KIF13A: variants seen among roughly 807,000 people sequenced by gnomAD.
KIF13A encodes the protein kinesin-like protein KIF13A.
Under a neutral mutation model 212.2 loss-of-function variants are expected in KIF13A, and 79 were observed. The observed-to-expected ratio is 0.37, with a 90% confidence interval of 0.31 to 0.45. KIF13A has a LOEUF of 0.45. KIF13A is among the 20% of genes least tolerant of loss of function. KIF13A has a pLI of 1.00. For synonymous variants in KIF13A, 789 were observed against 808.6 expected (o/e 0.98, Z 0.41); for missense variants, 1,901 against 2,209.0 (o/e 0.86, Z 2.79).
In KIF13A at chr6:17,826,439, T is replaced by G. The variant is rs10456812; in HGVS notation, c.1533-315A>C. Among the ~76,000 whole-genome samples the G allele has an allele frequency of 0.46, 69,657 of 151,956 alleles. 16,338 individuals are homozygous for G. The highest frequency in any genetic ancestry group is 0.53 in the South Asian group (2,571 of 4,822). On this transcript the variant is annotated intron_variant, in intron 14 of 38. Transcript: ENST00000259711. The surrounding 1 kb of genome is among the most constrained non-coding windows in gnomAD (Gnocchi z 4.7). ...CAAGCTTCCACATTTAAATGCCAAT[T>G]TAGGAAATACAGAGAACAATGGAGG...
chr6:17,819,629 A>G (rs1435217020), intron 16 of KIF13A, among the ~76,000 whole-genome samples: 1 of 152,160 alleles, frequency 6.6e-6, no homozygotes, highest in Non-Finnish European at 1.5e-5. Flanking sequence ...AAAAAATCTT[A>G]TGCAAACATA....
chr6:17,900,529 CGAA>C lies in KIF13A; in HGVS notation c.147-2352_147-2350del, dbSNP rs1327954277. Among the ~76,000 whole-genome samples, 7 of 151,944 alleles carry C rather than the reference CGAA, an allele frequency of 4.6e-5. No individual in the cohort carries two copies. The highest frequency in any genetic ancestry group is 1.0e-4 in the Non-Finnish European group (7 of 67,988). Reference sequence around the variant, plus strand: ...GCTTGTTAAGAACAAATTGAGACTGCGAAGAAAAGAAAAAAGGGAAGCCACAAA... The same window carrying C: ...GCTTGTTAAGAACAAATTGAGACTGCGAAAAGAAAAAAGGGAAGCCACAAA... On this transcript the variant is annotated intron_variant, in intron 2 of 38. Coordinates refer to ENST00000259711, the MANE Select transcript of KIF13A (RefSeq NM_022113.6). The surrounding 1 kb of genome is among the most constrained non-coding windows in gnomAD (Gnocchi z 4.6).
rs567162242 is a variant in KIF13A, at chr6:17,946,843, G to A, written c.146+40211C>T. Among the ~76,000 whole-genome samples, 15 of 152,280 alleles carry A rather than the reference G, an allele frequency of 9.9e-5. 1 individual carries two copies. The South Asian group carries it at 3.1e-3, about 32-fold the overall frequency. ...ATGAACTGTAGTATATTCATACAAT[G>A]GAATACCATGCAACAGCAAAAGTGA... On this transcript the variant is annotated intron_variant, in intron 2 of 38. Coordinates refer to ENST00000259711, the MANE Select transcript of KIF13A (RefSeq NM_022113.6).
At chr6:17,948,557 C>CTTTTTTTTTTTT (rs71002289) in intron 2 of KIF13A, among the ~76,000 whole-genome samples, 3 of 84,148 alleles carry the variant, frequency 3.6e-5, no homozygotes, top group Admixed American at 3.6e-4. Flanking sequence ...CATCCATTTA[C>CTTTTTTTTTTTT]TTTTTTTTTT....
At chr6:17,936,665 C>G (rs1424173242) in intron 2 of KIF13A, among the ~76,000 whole-genome samples, 3 of 152,046 alleles carry the variant, frequency 2.0e-5, no homozygotes, top group Non-Finnish European at 2.9e-5. Context: ...TATTATTGCC[C>G]TAGGTCATAG....
chr6:17,813,581 A>G (rs1164601692), intron 17 of KIF13A, among the ~76,000 whole-genome samples: 1 of 151,890 alleles, frequency 6.6e-6, no homozygotes. Flanking sequence ...AATATAATTG[A>G]CTCTCTTCTC....
At chr6:17,952,846 C>T (rs1032559264) in intron 2 of KIF13A, among the ~76,000 whole-genome samples, 9 of 151,498 alleles carry the variant, frequency 5.9e-5, no homozygotes, top group African/African-American at 1.9e-4. Context: ...AGGAGAGTGG[C>T]GCGAACCCGG....
At chr6:17,779,247 ATATATATATATTTTTTTTTTTTTTTTT>A (rs1329689893) in intron 32 of KIF13A, 148 bp from the exon 33 acceptor site, 75 of 40,992 alleles carry the variant, frequency 1.8e-3, no homozygotes, top group Middle Eastern at 9.8e-3. Context: ...ATATATATAT[ATATATATATATTTTTTTTTTTTTTTTT>A]TTTTTTTTTT....
chr6:17,821,682 C>A (rs1184833798), intron 16 of KIF13A: 2 of 1,278,984 alleles, frequency 1.6e-6, no homozygotes, highest in Admixed American at 5.1e-5. Context: ...TCTTCCCAAT[C>A]ATGTTAGTTA....
chr6:17,868,465 CT>C (rs1323387478), intron 4 of KIF13A, among the ~76,000 whole-genome samples: 1 of 151,910 alleles, frequency 6.6e-6, no homozygotes, highest in Non-Finnish European at 1.5e-5. Context: ...CTGTGTACAT[CT>C]GCATGTATAT....
Position 17,809,977 on chromosome 6 carries a change from A to C in KIF13A, c.2001-1047T>G, listed in dbSNP as rs979205261. On this transcript the variant is annotated intron_variant, in intron 17 of 38. Transcript: ENST00000259711. This position sits in a 1 kb window ranked among gnomAD's most constrained non-coding sequence, Gnocchi z 4.7. ...GGCAGTGGCTCATGGCTATAATCCC[A>C]ACACTTTGGGAAGCCGAGGTGGGAG... is the stretch of plus-strand genomic sequence containing the variant. 6.6e-6 allele frequency among the ~76,000 whole-genome samples: 1 copy of C among 152,206 alleles called. No homozygotes were observed. The highest frequency in any genetic ancestry group is 2.4e-5 in the African/African-American group (1 of 41,538).
intron 2 of KIF13A, among the ~76,000 whole-genome samples, chr6:17,975,882 TAC>T (rs1429163856): frequency 6.6e-6 from 1 of 151,786 alleles, no homozygotes; most frequent in African/African-American, 2.4e-5. Context: ...TTGGGCTAGA[TAC>T]AGAGTGCCGA....
intron 20 of KIF13A, among the ~76,000 whole-genome samples, chr6:17,803,601 GT>G (rs1762662004): frequency 1.3e-5 from 2 of 152,214 alleles, no homozygotes; most frequent in South Asian, 4.1e-4. Context: ...TAAAAGGAGG[GT>G]AACAATGAGT....
At position 17,834,158 on chromosome 6, in the gene KIF13A, T is replaced by C; in HGVS notation, c.1156-87A>G. 2.6e-6 allele frequency: 2 copies of C among 772,566 alleles called. No individual in the cohort carries two copies. Among genetic ancestry groups the C allele is most frequent in the Non-Finnish European group, 4.0e-6 (2 of 494,428 alleles). The allele number at this position is 772,566 out of a possible 1,614,324, so 47.9% of individuals were successfully genotyped here. On this transcript the variant is annotated intron_variant, in intron 11 of 38. Coordinates refer to ENST00000259711, the MANE Select transcript of KIF13A (RefSeq NM_022113.6). The surrounding 1 kb of genome is among the most constrained non-coding windows in gnomAD (Gnocchi z 4.0). ...ATCAGTTACTGTCCCTCTTAAGCAGTTATCAATAGTCTGTTGGAAAAAATT... is the reference window on the plus strand; with the variant it reads ...ATCAGTTACTGTCCCTCTTAAGCAGCTATCAATAGTCTGTTGGAAAAAATT...
In KIF13A at chr6:17,771,076, C is replaced by T; in HGVS notation, c.4581+38G>A. On this transcript the variant is annotated intron_variant, in intron 38 of 38. Transcript: ENST00000259711. This position sits in a 1 kb window ranked among gnomAD's most constrained non-coding sequence, Gnocchi z 5.4. ...TGTCTGTGAAAGGGCCTTAAACCCA[C>T]CACCAGGCAATATGACAGAAATGGT... 1 of 1,388,956 alleles carries T rather than the reference C, an allele frequency of 7.2e-7. No homozygotes were observed. Among genetic ancestry groups the T allele is most frequent in the Non-Finnish European group, 1.0e-6 (1 of 986,280 alleles). 86.0% of individuals were successfully genotyped at this position (1,388,956 alleles called of 1,614,324 possible).
chr6:17,954,597 T>C (rs1428564381), intron 2 of KIF13A, among the ~76,000 whole-genome samples: 2 of 152,234 alleles, frequency 1.3e-5, no homozygotes, highest in African/African-American at 4.8e-5. Context: ...CAATATTATA[T>C]CTTCCTTTAT....
At chr6:17,978,047 C>T (rs932539855) in intron 2 of KIF13A, among the ~76,000 whole-genome samples, 2 of 152,182 alleles carry the variant, frequency 1.3e-5, no homozygotes, top group African/African-American at 2.4e-5. Flanking sequence ...CAATGACTCA[C>T]CGAATTGTTA....
chr6:17,917,860 T>C (rs1774684457), intron 2 of KIF13A, among the ~76,000 whole-genome samples: 1 of 152,150 alleles, frequency 6.6e-6, no homozygotes, highest in Non-Finnish European at 1.5e-5. Flanking sequence ...GCTGCCCACC[T>C]TTCCCAGCTC....
Position 17,777,221 on chromosome 6 carries a change from A to AC in KIF13A, c.4170+55dup, listed in dbSNP as rs1760065985. On this transcript the variant is annotated intron_variant, in intron 34 of 38. Transcript: ENST00000259711. The surrounding 1 kb of genome is among the most constrained non-coding windows in gnomAD (Gnocchi z 4.4). ...CACTGTGTGAATCCCACCTTCCCCCACCCCAGAGGCTGCGACATGTCACAT... is the reference window on the plus strand; with the variant it reads ...CACTGTGTGAATCCCACCTTCCCCCACCCCCAGAGGCTGCGACATGTCACAT... 1 of 1,408,728 alleles carries AC rather than the reference A, an allele frequency of 7.1e-7. No homozygotes were observed. Among genetic ancestry groups the AC allele is most frequent in the Non-Finnish European group, 9.9e-7 (1 of 1,008,698 alleles). The allele number at this position is 1,408,728 out of a possible 1,614,324, so 87.3% of individuals were successfully genotyped here.
Sources: gnomAD v4.1 joint callset for allele counts (sites outside exome capture counted in the v4.1 genomes callset) on GRCh38, gnomAD v4.1.1 for gene constraint, Gnocchi (gnomAD v3.1) non-coding constraint, MANE v1.5 for transcripts, NCBI Gene and HGNC (gene_info 2026-07-23, HGNC 2026-07-21) for gene names.